Variants in COP1 observed in about 807,000 individuals in gnomAD.
COP1 encodes the protein E3 ubiquitin-protein ligase COP1.
In COP1, 24 loss-of-function variants were observed where a neutral mutation model predicts 101.3. The ratio of observed to expected loss-of-function variants is 0.24; its 90% CI spans 0.17 to 0.33. The LOEUF is 0.33. Ranked by LOEUF, COP1 falls within the 10% of genes least tolerant of loss-of-function variation. The pLI, the probability that COP1 is intolerant of heterozygous loss-of-function variation, is 1.00. For synonymous variants in COP1, 347 were observed against 341.9 expected, an observed-to-expected ratio of 1.01 and a Z score of -0.17; for missense variants, 663 against 906.2, an observed-to-expected ratio of 0.73 and a Z score of 3.45.
intron 15 of COP1, chr1:176,018,402 A>G (rs938271651): frequency 6.6e-6 from 1 of 152,212 alleles, no homozygotes; most frequent in Non-Finnish European, 1.5e-5. Flanking sequence ...AAGAAAGAGT[A>G]GCAGAAACAT....
intron 18 of COP1, among the ~76,000 whole-genome samples, chr1:175,979,647 G>C (rs972350373): frequency 6.6e-6 from 1 of 151,990 alleles, no homozygotes; most frequent in African/African-American, 2.4e-5. Context: ...TGTTGCTTTT[G>C]AAAATAGACA....
intron 15 of COP1, among the ~76,000 whole-genome samples, chr1:176,010,298 T>C (rs975237811): frequency 9.8e-5 from 15 of 152,310 alleles, no homozygotes; most frequent in African/African-American, 3.4e-4. Flanking sequence ...TATCATTATA[T>C]CACACTCAAG....
intron 9 of COP1, among the ~76,000 whole-genome samples, chr1:176,086,711 T>TCCCC (rs1232439730): frequency 6.6e-6 from 1 of 152,040 alleles, no homozygotes; most frequent in African/African-American, 2.4e-5. Context: ...TTCAATGCCA[T>TCCCC]CCCCATCAAG....
intron 18 of COP1, among the ~76,000 whole-genome samples, chr1:175,951,745 A>C (rs1171014023): frequency 2.6e-5 from 4 of 152,154 alleles, no homozygotes; most frequent in Non-Finnish European, 5.9e-5. Context: ...CACCTCCAAA[A>C]TTACAACTGA....
chr1:176,107,975 G>T (rs762471859), intron 9 of COP1, among the ~76,000 whole-genome samples: 1 of 150,470 alleles, frequency 6.6e-6, no homozygotes. Flanking sequence ...ATTTAGAGGA[G>T]ATTAAAGAGA....
intron 3 of COP1, among the ~76,000 whole-genome samples, chr1:176,169,929 T>G (rs952342751): frequency 1.3e-5 from 2 of 152,256 alleles, no homozygotes; most frequent in African/African-American, 2.4e-5. Context: ...ACTAAGTTTA[T>G]GTAATATTCT....
chr1:176,122,626 C>T (rs1415991648), intron 8 of COP1, among the ~76,000 whole-genome samples: 1 of 152,096 alleles, frequency 6.6e-6, no homozygotes, highest in Non-Finnish European at 1.5e-5. Flanking sequence ...TTCCCCAGCA[C>T]CTCTTGTCTT....
At chr1:175,945,750 CAGG>C (rs1649089813) in intron 19 of COP1, among the ~76,000 whole-genome samples, 1 of 152,142 alleles carries the variant, frequency 6.6e-6, no homozygotes, top group South Asian at 2.1e-4. Flanking sequence ...GATCACGGAA[CAGG>C]AGGATAGTTA....
At chr1:176,165,370 GT>G (rs1193126299) in intron 3 of COP1, among the ~76,000 whole-genome samples, 2 of 129,140 alleles carry the variant, frequency 1.5e-5, no homozygotes, top group African/African-American at 7.6e-5. Flanking sequence ...TCGTGTGTGT[GT>G]GTGTGTGTGT....
chr1:176,002,605 T>C (rs1426392787), intron 15 of COP1, among the ~76,000 whole-genome samples: 1 of 145,098 alleles, frequency 6.9e-6, no homozygotes, highest in Non-Finnish European at 1.5e-5. Flanking sequence ...GAATATGCAG[T>C]GTTTGGTTTT....
At chr1:176,075,593 T>C (rs1677842786) in intron 11 of COP1, among the ~76,000 whole-genome samples, 1 of 152,156 alleles carries the variant, frequency 6.6e-6, no homozygotes, top group Non-Finnish European at 1.5e-5. Context: ...GAGATGCAGA[T>C]AAGTTTCTGA....
chr1:175,954,268 C>T (rs1650329442), intron 18 of COP1, among the ~76,000 whole-genome samples: 2 of 152,010 alleles, frequency 1.3e-5, no homozygotes, highest in African/African-American at 2.4e-5. Flanking sequence ...TTGTGTAATG[C>T]ACCTAAAACA....
chr1:176,049,199 A>G (rs1376020667), intron 11 of COP1, among the ~76,000 whole-genome samples: 16 of 149,578 alleles, frequency 1.1e-4, no homozygotes. Context: ...AAAAAAAAAA[A>G]AAAAGAATTA....
intron 9 of COP1, among the ~76,000 whole-genome samples, chr1:176,108,912 A>G (rs2481636): frequency 0.92 from 140,220 of 151,988 alleles, 65,468 homozygotes; most frequent in East Asian, 1. Flanking sequence ...AAGAGATCGA[A>G]ACCATCCTGT....
chr1:175,959,684 A>T (rs971614824), intron 18 of COP1, among the ~76,000 whole-genome samples: 1 of 152,124 alleles, frequency 6.6e-6, no homozygotes, highest in Non-Finnish European at 1.5e-5. Context: ...TTAGAAAAAT[A>T]TGTTTATTGG....
intron 15 of COP1, among the ~76,000 whole-genome samples, chr1:175,991,718 G>C (rs1382413570): frequency 6.6e-6 from 1 of 152,048 alleles, no homozygotes; most frequent in Non-Finnish European, 1.5e-5. Flanking sequence ...AATTAAAATA[G>C]GAAAAAGCTT....
chr1:175,965,810 C>T (rs1267618505), intron 18 of COP1, among the ~76,000 whole-genome samples: 1 of 152,090 alleles, frequency 6.6e-6, no homozygotes, highest in East Asian at 1.9e-4. Flanking sequence ...TCTCGAACTC[C>T]TGACCTCGTG....
At chr1:176,180,762 C>G (rs1697631644) in intron 2 of COP1, among the ~76,000 whole-genome samples, 1 of 151,980 alleles carries the variant, frequency 6.6e-6, no homozygotes, top group South Asian at 2.1e-4. Context: ...AAAGAATAAA[C>G]TATAACAAGA....
intron 18 of COP1, among the ~76,000 whole-genome samples, chr1:175,984,122 G>A (rs779174846): frequency 2.0e-5 from 3 of 152,282 alleles, no homozygotes; most frequent in African/African-American, 4.8e-5. Context: ...CCAAGACCAC[G>A]GGGAAAATGT....
Sources: gnomAD v4.1 joint callset for allele counts (sites outside exome capture counted in the v4.1 genomes callset) on GRCh38, gnomAD v4.1.1 for gene constraint, MANE v1.5 for transcripts, NCBI Gene and HGNC (gene_info 2026-07-23, HGNC 2026-07-21) for gene names.